Variants in SMAP1 observed in about 807,000 individuals in gnomAD.
SMAP1 encodes small ArfGAP 1.
In SMAP1, 24 loss-of-function variants were observed where a neutral mutation model predicts 58.5. That is an observed-to-expected ratio of 0.41 (90% CI 0.30 to 0.58). The LOEUF (loss-of-function observed/expected upper bound fraction) is 0.58, where lower values mean the gene tolerates loss of function less well. SMAP1 is among the 20% of genes least tolerant of loss of function. SMAP1 has a pLI of 0.29. For missense variants in SMAP1, 563 were observed against 566.3 expected, an observed-to-expected ratio of 0.99 and a Z score of 0.06; for synonymous variants, 216 against 196.6, an observed-to-expected ratio of 1.10 and a Z score of -0.82.
chr6:70,694,795 C>T (rs1285246101), intron 1 of SMAP1, among the ~76,000 whole-genome samples: 3 of 152,172 alleles, frequency 2.0e-5, no homozygotes, highest in African/African-American at 7.2e-5. Flanking sequence ...GTAAAGGTAC[C>T]TTGTAAACAC....
rs542885673 is a variant in SMAP1, at chr6:70,762,328, A to G, written c.338+7263A>G. On this transcript the variant is annotated intron_variant, in intron 3 of 10. Transcript: ENST00000370455. The stretch of plus-strand genomic sequence containing the variant: ...TGTTCTGTGGTCGCTTTGGAGAGCT[A>G]TGAAGGGACAGTTGAGTGATTGAAA... Among the ~76,000 whole-genome samples, 6 of 152,268 alleles carry G rather than the reference A, an allele frequency of 3.9e-5. No homozygotes were observed. In the East Asian group the frequency reaches 1.2e-3, roughly 29 times the overall value.
chr6:70,744,173 CTTT>C (rs11376216), intron 2 of SMAP1, among the ~76,000 whole-genome samples: 1 of 145,040 alleles, frequency 6.9e-6, no homozygotes, highest in Non-Finnish European at 1.5e-5. Flanking sequence ...ACTCCTAATT[CTTT>C]TTTTTTTTTT....
chr6:70,736,224 A>G (rs1765612530), intron 2 of SMAP1, among the ~76,000 whole-genome samples: 1 of 152,218 alleles, frequency 6.6e-6, no homozygotes, highest in Admixed American at 6.5e-5. Context: ...TTGATTTTTA[A>G]TAACATAGAA....
chr6:70,852,295 G>C (rs1771214606), intron 7 of SMAP1, among the ~76,000 whole-genome samples: 2 of 152,046 alleles, frequency 1.3e-5, no homozygotes, highest in Non-Finnish European at 2.9e-5. Flanking sequence ...GATACCATTG[G>C]TTAAAAAGGA....
At chr6:70,811,973 A>G (rs1175347816) in intron 6 of SMAP1, among the ~76,000 whole-genome samples, 2 of 152,204 alleles carry the variant, frequency 1.3e-5, no homozygotes, top group Admixed American at 1.3e-4. Context: ...TAGCGTATAA[A>G]GCGTGGATGT....
intron 7 of SMAP1, among the ~76,000 whole-genome samples, chr6:70,851,213 C>CA (rs1424638985): frequency 6.6e-6 from 1 of 151,940 alleles, no homozygotes; most frequent in Non-Finnish European, 1.5e-5. Context: ...AATTAAATAG[C>CA]AAAAAATATT....
intron 1 of SMAP1, chr6:70,694,097 C>A (rs1398212777): frequency 3.7e-6 from 1 of 272,520 alleles, no homozygotes; most frequent in South Asian, 4.2e-5. Context: ...TGGTTGTAAT[C>A]CTTTGGAAAG....
At chr6:70,685,318 T>A (rs1766892430) in intron 1 of SMAP1, among the ~76,000 whole-genome samples, 1 of 151,952 alleles carries the variant, frequency 6.6e-6, no homozygotes, top group African/African-American at 2.4e-5. Context: ...ATCTGCTGAT[T>A]CACTAGAGTA....
At chr6:70,823,878 G>GTTT (rs753268495) in intron 6 of SMAP1, among the ~76,000 whole-genome samples, 1 of 140,786 alleles carries the variant, frequency 7.1e-6, no homozygotes, top group Non-Finnish European at 1.6e-5. Flanking sequence ...GAGCCCAAGG[G>GTTT]TTTTTTTTTT....
chr6:70,844,361 TCTTCTGAAAG>T (rs1257763946), intron 7 of SMAP1, among the ~76,000 whole-genome samples: 2 of 152,172 alleles, frequency 1.3e-5, no homozygotes, highest in Admixed American at 1.3e-4. Context: ...GTGTGTGGTG[TCTTCTGAAAG>T]ACAGTAGCAC....
chr6:70,858,287 CTTTTTTTTTTT>C (rs68188898), intron 10 of SMAP1, 58 bp downstream of exon 10: 5,309 of 290,270 alleles, frequency 0.018, 58 homozygotes, highest in Non-Finnish European at 0.026. Flanking sequence ...TTTTCTAAAT[CTTTTTTTTTTT>C]TTTTTTTTTT....
At position 70,770,682 on chromosome 6, in the gene SMAP1, CCTTTGGTTTGAATTTCCTCTTGTTGCT is replaced by C. The variant is rs1249558327; in HGVS notation, c.339-2666_339-2640del. On this transcript the variant is annotated intron_variant, in intron 3 of 10. Transcript: ENST00000370455. Reference sequence around the variant, plus strand: ...TTTTTCACAGTTTTCAACTTCTTTGCCTTTGGTTTGAATTTCCTCTTGTTGCTCGGAGTAGTTTGATCGTCTGAAGCC... The same window carrying C: ...TTTTTCACAGTTTTCAACTTCTTTGCCGGAGTAGTTTGATCGTCTGAAGCC... Among the ~76,000 whole-genome samples, 4 of 152,114 alleles carry C rather than the reference CCTTTGGTTTGAATTTCCTCTTGTTGCT, an allele frequency of 2.6e-5. No homozygotes were observed. In the East Asian group the frequency reaches 7.7e-4, roughly 29 times the overall value.
chr6:70,786,890 G>A (rs1582184472), intron 4 of SMAP1, among the ~76,000 whole-genome samples: 1 of 152,226 alleles, frequency 6.6e-6, no homozygotes, highest in East Asian at 1.9e-4. Context: ...GTAATTTATA[G>A]AGTCATTGCA....
intron 4 of SMAP1, among the ~76,000 whole-genome samples, chr6:70,776,224 C>G (rs1386428530): frequency 6.6e-6 from 1 of 151,984 alleles, no homozygotes; most frequent in Non-Finnish European, 1.5e-5. Context: ...CGCTCTGTTG[C>G]CAGACTGGAG....
At chr6:70,811,309 T>A (rs1040775839) in intron 6 of SMAP1, among the ~76,000 whole-genome samples, 1 of 152,158 alleles carries the variant, frequency 6.6e-6, no homozygotes, top group African/African-American at 2.4e-5. Flanking sequence ...TCTTGTAGGA[T>A]GTTCAGCAGC....
intron 1 of SMAP1, among the ~76,000 whole-genome samples, chr6:70,672,917 A>G (rs773895425): frequency 1.3e-5 from 2 of 151,986 alleles, no homozygotes; most frequent in Non-Finnish European, 2.9e-5. Context: ...AAGTTTCCAT[A>G]CGGCCCTTAC....
At chr6:70,796,616 A>G (rs112861152) in intron 5 of SMAP1, among the ~76,000 whole-genome samples, 3,437 of 152,308 alleles carry the variant, frequency 0.023, 37 homozygotes, top group Non-Finnish European at 0.035. Flanking sequence ...AAAGGGTTAC[A>G]TCTTCCTTAT....
intron 6 of SMAP1, among the ~76,000 whole-genome samples, chr6:70,806,918 T>G (rs758677154): frequency 2.0e-5 from 3 of 152,222 alleles, no homozygotes; most frequent in Non-Finnish European, 4.4e-5. Flanking sequence ...CTCAGGAATT[T>G]GAACCCAAGT....
At chr6:70,797,879 CTCTT>C (rs1377725343) in intron 5 of SMAP1, among the ~76,000 whole-genome samples, 3 of 152,090 alleles carry the variant, frequency 2.0e-5, no homozygotes, top group Admixed American at 2.0e-4. Context: ...TTCTAGTCAT[CTCTT>C]TCCTCTAAAT....
Sources: gnomAD v4.1 joint callset for allele counts (sites outside exome capture counted in the v4.1 genomes callset) on GRCh38, gnomAD v4.1.1 for gene constraint, MANE v1.5 for transcripts, NCBI Gene and HGNC (gene_info 2026-07-23, HGNC 2026-07-21) for gene names.